The following OSBPL9 variants were observed in gnomAD, a reference collection of about 807,000 sequenced individuals.
OSBPL9 encodes the protein oxysterol-binding protein-related protein 9.
In OSBPL9, 40 loss-of-function variants were observed where a neutral mutation model predicts 106.6. That is an observed-to-expected ratio of 0.38 (90% CI 0.29 to 0.49). The LOEUF is 0.49. OSBPL9 is among the 20% of genes least tolerant of loss of function. The pLI is 0.97. For synonymous variants in OSBPL9, 269 were observed against 295.4 expected, an observed-to-expected ratio of 0.91 and a Z score of 0.92; for missense variants, 609 against 887.2, an observed-to-expected ratio of 0.69 and a Z score of 3.98.
At chr1:51,604,122 T>C (rs1477531514) in intron 2 of OSBPL9, among the ~76,000 whole-genome samples, 1 of 152,190 alleles carries the variant, frequency 6.6e-6, no homozygotes, top group African/African-American at 2.4e-5. Context: ...CTTCAGGCAG[T>C]GAGCTGCGTG....
intron 1 of OSBPL9, among the ~76,000 whole-genome samples, chr1:51,636,080 A>ATGTGTGTGTGTGTG (rs1306785076): frequency 8.0e-6 from 1 of 125,694 alleles, no homozygotes; most frequent in Non-Finnish European, 1.6e-5. Flanking sequence ...GTATGTATGT[A>ATGTGTGTGTGTGTG]TATGTGTGTG....
At chr1:51,750,991 A>C (rs1279737582) in intron 8 of OSBPL9, among the ~76,000 whole-genome samples, 2 of 152,252 alleles carry the variant, frequency 1.3e-5, no homozygotes, top group Non-Finnish European at 2.9e-5. Context: ...TGTTAATGAC[A>C]CAATAGCATA....
the OSBPL9 span, among the ~76,000 whole-genome samples, chr1:51,544,710 T>C: frequency 6.6e-6 from 1 of 151,886 alleles, no homozygotes; most frequent in South Asian, 2.1e-4. Flanking sequence ...AAAAAAAGAA[T>C]GTAGAGTAAA....
chr1:51,623,962 G>A (rs1397544415), intron 1 of OSBPL9, among the ~76,000 whole-genome samples: 1 of 151,394 alleles, frequency 6.6e-6, no homozygotes, highest in Non-Finnish European at 1.5e-5. Flanking sequence ...CTGTCACCCA[G>A]GTTGGAGTGC....
intron 16 of OSBPL9, 154 bp downstream of exon 16, chr1:51,781,489 G>T (rs763471441): frequency 7.6e-5 from 55 of 728,324 alleles, no homozygotes; most frequent in Non-Finnish European, 1.2e-4. Flanking sequence ...TGAATGTAGT[G>T]AGAAGGAGGA....
At chr1:51,646,291 C>G (rs1646147972) in intron 1 of OSBPL9, among the ~76,000 whole-genome samples, 1 of 151,902 alleles carries the variant, frequency 6.6e-6, no homozygotes, top group East Asian at 1.9e-4. Flanking sequence ...CTTTAATTTC[C>G]TTGTGTTGTT....
the OSBPL9 span, among the ~76,000 whole-genome samples, chr1:51,534,182 C>T: frequency 3.3e-5 from 5 of 149,478 alleles, no homozygotes; most frequent in South Asian, 8.5e-4. Context: ...CCAGCCTGGG[C>T]GATAGAGTGA....
the OSBPL9 span, chr1:51,561,782 T>TA: frequency 6.6e-6 from 1 of 152,204 alleles, no homozygotes; most frequent in Non-Finnish European, 1.5e-5. Context: ...CTGAGGCTTA[T>TA]AAAGACCAAG....
chr1:51,782,552 C>G lies in OSBPL9; in HGVS notation c.1429-7C>G. ...TCAAAAGAAAATTATGTTATATTTG[C>G]TTGCAGGAACTAGTTTCAGAAGGAC... On this transcript the variant is annotated splice_polypyrimidine_tract_variant and splice_region_variant and intron_variant, in intron 16 of 23. Transcript: ENST00000428468. The G allele has an allele frequency of 6.2e-7, 1 of 1,611,878 alleles. No homozygotes were observed. The highest frequency in any genetic ancestry group is 2.2e-5 in the East Asian group (1 of 44,840).
chr1:51,750,697 G>T (rs1443245168), intron 8 of OSBPL9, among the ~76,000 whole-genome samples: 1 of 151,916 alleles, frequency 6.6e-6, no homozygotes, highest in African/African-American at 2.4e-5. Flanking sequence ...CATATATGTT[G>T]TCTCTTTTTC....
intron 16 of OSBPL9, 66 bp from the exon 17 acceptor site, chr1:51,782,492 AC>A: frequency 7.1e-7 from 1 of 1,418,256 alleles, no homozygotes; most frequent in South Asian, 1.2e-5. Context: ...GACCCCAATT[AC>A]CAGATTCTCT....
At chr1:51,525,120 C>T in the OSBPL9 span, among the ~76,000 whole-genome samples, 1 of 152,298 alleles carries the variant, frequency 6.6e-6, no homozygotes, top group East Asian at 1.9e-4. Flanking sequence ...TTTGAGGAAT[C>T]CTGATTCTGA....
intron 4 of OSBPL9, among the ~76,000 whole-genome samples, chr1:51,719,054 A>G (rs1571304596): frequency 6.6e-6 from 1 of 152,102 alleles, no homozygotes; most frequent in East Asian, 1.9e-4. Context: ...CTCTTTTGAT[A>G]TGTAGCTTTA....
the OSBPL9 span, among the ~76,000 whole-genome samples, chr1:51,551,907 A>C: frequency 6.6e-6 from 1 of 151,630 alleles, no homozygotes; most frequent in East Asian, 1.9e-4. Context: ...AACAGTCTTC[A>C]GATTTCCGGG....
chr1:51,555,018 C>T, the OSBPL9 span, among the ~76,000 whole-genome samples: 5 of 152,180 alleles, frequency 3.3e-5, no homozygotes, highest in Admixed American at 6.5e-5. Context: ...AGCTGATCTG[C>T]TCTAGAACAA....
the OSBPL9 span, among the ~76,000 whole-genome samples, chr1:51,552,633 A>AC: frequency 6.7e-6 from 1 of 149,654 alleles, no homozygotes; most frequent in Non-Finnish European, 1.5e-5. Flanking sequence ...GACTACTTCA[A>AC]TTTTTTTTTT....
chr1:51,709,251 C>G, intron 3 of OSBPL9: 1 of 213,434 alleles, frequency 4.7e-6, no homozygotes, highest in Admixed American at 4.2e-5. Context: ...GTCCACATCC[C>G]CAAGGAGCAG....
At chr1:51,577,599 A>G (rs1265056127) in intron 1 of OSBPL9, among the ~76,000 whole-genome samples, 2 of 152,172 alleles carry the variant, frequency 1.3e-5, no homozygotes, top group African/African-American at 4.8e-5. Flanking sequence ...CTTTATAGCA[A>G]TGCAAGAATG....
intron 4 of OSBPL9, among the ~76,000 whole-genome samples, chr1:51,731,543 G>A (rs559309385): frequency 6.6e-6 from 1 of 152,252 alleles, no homozygotes; most frequent in Non-Finnish European, 1.5e-5. Flanking sequence ...TTGGGAGGCC[G>A]AGGCGGCCGG....
Sources: gnomAD v4.1 joint callset for allele counts (sites outside exome capture counted in the v4.1 genomes callset) on GRCh38, gnomAD v4.1.1 for gene constraint, MANE v1.5 for transcripts, NCBI Gene and HGNC (gene_info 2026-07-23, HGNC 2026-07-21) for gene names.